SPOCK1: variants seen among roughly 807,000 people sequenced by gnomAD.
The protein encoded by SPOCK1 is testican-1.
A neutral mutation model predicts 55.3 loss-of-function variants in SPOCK1; 23 were observed. The observed-to-expected ratio is 0.42, with a 90% CI of 0.30 to 0.59. The LOEUF (loss-of-function observed/expected upper bound fraction) is 0.59, where lower values mean the gene tolerates loss of function less well. SPOCK1 is among the 20% of genes least tolerant of loss of function. The pLI is 0.22. For synonymous variants in SPOCK1, 226 were observed against 221.0 expected (o/e 1.02, Z -0.20); for missense variants, 499 against 552.5 (o/e 0.90, Z 0.97).
chr5:137,057,603 C>T (rs1752324616), intron 6 of SPOCK1, among the ~76,000 whole-genome samples: 2 of 152,122 alleles, frequency 1.3e-5, no homozygotes, highest in South Asian at 2.1e-4. Context: ...AAATTGAGCT[C>T]ATTTGATTCT....
intron 2 of SPOCK1, among the ~76,000 whole-genome samples, chr5:137,331,442 T>C (rs778808311): frequency 3.3e-5 from 5 of 152,182 alleles, no homozygotes; most frequent in African/African-American, 9.7e-5. Flanking sequence ...CCAAAAGACC[T>C]GCGCATTGGG....
intron 6 of SPOCK1, among the ~76,000 whole-genome samples, chr5:136,994,262 G>A (rs1163272910): frequency 6.6e-6 from 1 of 152,102 alleles, no homozygotes; most frequent in East Asian, 1.9e-4. Context: ...TCAGGGTTTG[G>A]CTGTATTTTA....
intron 4 of SPOCK1, among the ~76,000 whole-genome samples, chr5:137,125,189 A>G (rs542046022): frequency 7.9e-5 from 12 of 152,276 alleles, no homozygotes; most frequent in Admixed American, 5.2e-4. Flanking sequence ...TCTTGATTTA[A>G]CTGATTCATT....
chr5:137,453,549 T>C (rs888123909), intron 2 of SPOCK1, among the ~76,000 whole-genome samples: 3 of 152,164 alleles, frequency 2.0e-5, no homozygotes, highest in African/African-American at 7.2e-5. Flanking sequence ...CAATTTTCTA[T>C]TTCATTCAGT....
chr5:137,169,943 G>A (rs977302741), intron 3 of SPOCK1, among the ~76,000 whole-genome samples: 1 of 152,100 alleles, frequency 6.6e-6, no homozygotes, highest in Admixed American at 6.6e-5. Context: ...TAAAATACAG[G>A]CCTCACTTAA....
chr5:137,359,965 G>T (rs1342824931), intron 2 of SPOCK1, among the ~76,000 whole-genome samples: 2 of 152,170 alleles, frequency 1.3e-5, no homozygotes, highest in Non-Finnish European at 2.9e-5. Flanking sequence ...CCCCACAAGG[G>T]TGTCCCTGAC....
rs1269348607 is a variant in SPOCK1 at position 136,977,714 on chromosome 5, C to A, written c.*940G>T. On this transcript the variant is annotated 3_prime_UTR_variant, in exon 11 of 11. Coordinates refer to ENST00000394945, the MANE Select transcript of SPOCK1 (RefSeq NM_004598.4). ...TCGTGTGGGAGTCGCATGGCTTCTG[C>A]GAGAAAAGTGATTTAGGCAGACGGA... 2 of 398,386 alleles carry A rather than the reference C, an allele frequency of 5.0e-6. No individual in the cohort carries two copies. The highest frequency in any genetic ancestry group is 3.6e-5 in the East Asian group (1 of 28,046). The allele number at this position is 398,386 out of a possible 1,614,324, so 24.7% of individuals were successfully genotyped here.
At chr5:137,162,131 C>CTTTTTTTTTTTTT (rs566233599) in intron 3 of SPOCK1, among the ~76,000 whole-genome samples, 1 of 131,814 alleles carries the variant, frequency 7.6e-6, no homozygotes, top group Non-Finnish European at 1.6e-5. Context: ...CTAATGCTTT[C>CTTTTTTTTTTTTT]TTTTTTTTTT....
chr5:137,040,490 A>G (rs1751974642), intron 6 of SPOCK1, among the ~76,000 whole-genome samples: 1 of 152,250 alleles, frequency 6.6e-6, no homozygotes, highest in African/African-American at 2.4e-5. Flanking sequence ...ATACAGGCCC[A>G]CAAAATACAT....
At chr5:137,254,129 A>G (rs972219351) in intron 3 of SPOCK1, among the ~76,000 whole-genome samples, 44 of 152,234 alleles carry the variant, frequency 2.9e-4, no homozygotes, top group African/African-American at 1.0e-3. Context: ...CAAAAATCAT[A>G]ATTATTAGCA....
chr5:137,187,249 C>T (rs566365266), intron 3 of SPOCK1, among the ~76,000 whole-genome samples: 2 of 152,284 alleles, frequency 1.3e-5, no homozygotes, highest in African/African-American at 2.4e-5. Context: ...GCTCCAGGCT[C>T]ATCTGTCAGC....
chr5:137,109,630 C>A (rs2127030577), intron 5 of SPOCK1, among the ~76,000 whole-genome samples: 1 of 152,278 alleles, frequency 6.6e-6, no homozygotes, highest in Non-Finnish European at 1.5e-5. Flanking sequence ...AGTGTCCCTG[C>A]TTAGACGGTT....
intron 4 of SPOCK1, among the ~76,000 whole-genome samples, chr5:137,126,669 G>A (rs1753786878): frequency 6.6e-6 from 1 of 152,152 alleles, no homozygotes; most frequent in Non-Finnish European, 1.5e-5. Flanking sequence ...GGCTGAGGCA[G>A]GGGAATCACT....
intron 5 of SPOCK1, among the ~76,000 whole-genome samples, chr5:137,101,258 CCAGGGACCTTT>C (rs1298136867): frequency 5.9e-5 from 9 of 152,184 alleles, no homozygotes; most frequent in Non-Finnish European, 1.3e-4. Context: ...TTCATTCTGG[CCAGGGACCTTT>C]CTGTCTTTTA....
At chr5:137,401,186 A>G (rs1220042687) in intron 2 of SPOCK1, among the ~76,000 whole-genome samples, 1 of 152,174 alleles carries the variant, frequency 6.6e-6, no homozygotes, top group Non-Finnish European at 1.5e-5. Context: ...ACCAGGTCCC[A>G]CTCATGGAAA....
chr5:137,257,792 GC>G (rs1437368268), intron 3 of SPOCK1, among the ~76,000 whole-genome samples: 1 of 152,124 alleles, frequency 6.6e-6, no homozygotes, highest in Non-Finnish European at 1.5e-5. Context: ...ACCAGGAAGG[GC>G]TAATTCCTGG....
chr5:137,175,068 G>C (rs1240983632), intron 3 of SPOCK1, among the ~76,000 whole-genome samples: 1 of 152,094 alleles, frequency 6.6e-6, no homozygotes, highest in Non-Finnish European at 1.5e-5. Context: ...TGCCCTCAAG[G>C]AGTTCACACA....
chr5:137,425,991 A>G (rs1029057068), intron 2 of SPOCK1, among the ~76,000 whole-genome samples: 14 of 149,852 alleles, frequency 9.3e-5, no homozygotes, highest in Non-Finnish European at 4.4e-5. Flanking sequence ...AAAGGTTGCC[A>G]GAAGTACACC....
chr5:137,234,721 G>C (rs1397265841), intron 3 of SPOCK1, among the ~76,000 whole-genome samples: 1 of 152,154 alleles, frequency 6.6e-6, no homozygotes, highest in African/African-American at 2.4e-5. Flanking sequence ...TTAGTGACTT[G>C]CCTCCAAAGA....
Sources: gnomAD v4.1 joint callset for allele counts (sites outside exome capture counted in the v4.1 genomes callset) on GRCh38, gnomAD v4.1.1 for gene constraint, MANE v1.5 for transcripts, NCBI Gene and HGNC (gene_info 2026-07-23, HGNC 2026-07-21) for gene names.